The following CCDC91 variants were observed in gnomAD, a reference collection of about 807,000 sequenced individuals.
CCDC91 encodes coiled-coil domain-containing protein 91.
Under a neutral mutation model 63.2 loss-of-function variants are expected in CCDC91, and 48 were observed. The ratio of observed to expected loss-of-function variants is 0.76; its 90% CI spans 0.60 to 0.97. The LOEUF (loss-of-function observed/expected upper bound fraction) is 0.97. Ranked by LOEUF, CCDC91 falls within the 50% of genes least tolerant of loss-of-function variation. CCDC91 has a pLI of 0.00. For missense variants in CCDC91, 500 were observed against 494.6 expected (o/e 1.01, Z -0.10); for synonymous variants, 167 against 165.8 (o/e 1.01, Z -0.06).
At chr12:28,277,668 CCCT>C (rs1948335399) in intron 3 of CCDC91, among the ~76,000 whole-genome samples, 1 of 151,910 alleles carries the variant, frequency 6.6e-6, no homozygotes, top group South Asian at 2.1e-4. Context: ...CTTGCATCAA[CCCT>C]CCTCCTTTTT....
intron 7 of CCDC91, 137 bp downstream of exon 7, chr12:28,362,652 C>A (rs2138582318): frequency 2.0e-6 from 1 of 504,010 alleles, no homozygotes; most frequent in Non-Finnish European, 3.5e-6. Context: ...CATTCAGCAA[C>A]AAATATCCAT....
chr12:28,373,356 T>C (rs1055654049), intron 7 of CCDC91, among the ~76,000 whole-genome samples: 3 of 152,164 alleles, frequency 2.0e-5, no homozygotes, highest in Non-Finnish European at 4.4e-5. Flanking sequence ...CTTATATGTG[T>C]AGATTGTTTT....
rs563594817 is a variant in CCDC91 at position 28,501,601 on chromosome 12, C to T, written c.1215+17436C>T. ...AAGCTTTTTGATGTGCTGCTGGATT[C>T]AGTTTGCCAGTATTTTATTGAGGAT... On this transcript the variant is annotated intron_variant, in intron 12 of 12. Coordinates refer to ENST00000536442, the MANE Select transcript of CCDC91 (RefSeq NM_018318.5). Among the ~76,000 whole-genome samples the T allele has an allele frequency of 2.6e-4, 39 of 150,766 alleles. 1 individual carries two copies. The highest frequency in any genetic ancestry group is 3.4e-3 in the Middle Eastern group (1 of 294).
At chr12:28,334,977 C>A (rs1941816472) in intron 6 of CCDC91, among the ~76,000 whole-genome samples, 1 of 138,316 alleles carries the variant, frequency 7.2e-6, no homozygotes. Flanking sequence ...CTGTTTAGTT[C>A]AGTGTTTATG....
At chr12:28,229,385 G>T (rs1944455558) in intron 1 of CCDC91, among the ~76,000 whole-genome samples, 1 of 152,082 alleles carries the variant, frequency 6.6e-6, no homozygotes, top group African/African-American at 2.4e-5. Flanking sequence ...GCATAAAAAA[G>T]AAGAATATTA....
At chr12:28,307,018 T>G in intron 5 of CCDC91, 73 bp downstream of exon 5, 1 of 979,930 alleles carries the variant, frequency 1.0e-6, no homozygotes, top group Non-Finnish European at 1.5e-6. Context: ...AAACTCTGAT[T>G]AAAAACTCAT....
intron 1 of CCDC91, among the ~76,000 whole-genome samples, chr12:28,191,879 T>C (rs1341651306): frequency 6.6e-6 from 1 of 152,212 alleles, no homozygotes; most frequent in African/African-American, 2.4e-5. Flanking sequence ...AGAATTGCCC[T>C]GGTTACGAAG....
At chr12:28,472,558 A>G (rs1950873796) in intron 11 of CCDC91, among the ~76,000 whole-genome samples, 2 of 152,216 alleles carry the variant, frequency 1.3e-5, no homozygotes, top group Admixed American at 1.3e-4. Context: ...AAAGCTAGTT[A>G]TACCTATCAT....
At chr12:28,208,683 T>A (rs950004103) in intron 1 of CCDC91, among the ~76,000 whole-genome samples, 10 of 152,206 alleles carry the variant, frequency 6.6e-5, no homozygotes, top group Admixed American at 2.6e-4. Flanking sequence ...ATTTAAAAAA[T>A]TTTTAAAAAG....
chr12:28,520,256 T>G (rs185140208), intron 12 of CCDC91, among the ~76,000 whole-genome samples: 1 of 152,000 alleles, frequency 6.6e-6, no homozygotes, highest in Non-Finnish European at 1.5e-5. Context: ...TTTTAATGAT[T>G]GCCATTCTAA....
chr12:28,396,895 T>C (rs1946328984), intron 8 of CCDC91, among the ~76,000 whole-genome samples: 1 of 152,126 alleles, frequency 6.6e-6, no homozygotes, highest in East Asian at 1.9e-4. Context: ...ATGCCAGAGC[T>C]GTCAGACAGT....
intron 3 of CCDC91, among the ~76,000 whole-genome samples, chr12:28,269,692 T>C (rs1255856387): frequency 1.3e-5 from 2 of 152,182 alleles, no homozygotes; most frequent in African/African-American, 4.8e-5. Flanking sequence ...TCATTTGTTG[T>C]GGATTCCTGA....
chr12:28,300,476 T>G (rs1293376114), intron 3 of CCDC91, among the ~76,000 whole-genome samples: 1 of 150,880 alleles, frequency 6.6e-6, no homozygotes, highest in Non-Finnish European at 1.5e-5. Context: ...AGAGATTGTA[T>G]AACATAATTT....
chr12:28,206,209 A>G (rs1254654315), intron 1 of CCDC91, among the ~76,000 whole-genome samples: 2 of 152,324 alleles, frequency 1.3e-5, no homozygotes, highest in Non-Finnish European at 2.9e-5. Flanking sequence ...GTCTAAAACA[A>G]TGGCCACCCA....
chr12:28,291,448 G>A (rs1949244234), intron 3 of CCDC91, among the ~76,000 whole-genome samples: 2 of 152,140 alleles, frequency 1.3e-5, no homozygotes, highest in South Asian at 4.1e-4. Context: ...AGTTTTCAGT[G>A]CATCTCATTG....
intron 12 of CCDC91, among the ~76,000 whole-genome samples, chr12:28,512,040 C>T (rs556517920): frequency 1.2e-4 from 18 of 151,954 alleles, no homozygotes; most frequent in Non-Finnish European, 1.9e-4. Flanking sequence ...GACTTACCAT[C>T]TTGTGTTCAT....
intron 8 of CCDC91, among the ~76,000 whole-genome samples, chr12:28,396,469 A>G (rs1242203339): frequency 6.6e-6 from 1 of 152,194 alleles, no homozygotes. Context: ...AGTAGCATGT[A>G]AAATAGTTAA....
intron 6 of CCDC91, among the ~76,000 whole-genome samples, chr12:28,333,396 G>GA (rs1217580461): frequency 0.27 from 24,286 of 88,906 alleles, 2,686 homozygotes; most frequent in Non-Finnish European, 0.34. Flanking sequence ...CTCCATCTCA[G>GA]AAAAAAAAAA....
intron 1 of CCDC91, among the ~76,000 whole-genome samples, chr12:28,235,167 A>G (rs1944857676): frequency 6.6e-6 from 1 of 152,118 alleles, no homozygotes; most frequent in Non-Finnish European, 1.5e-5. Context: ...CCTATTTCTT[A>G]AGGCCTGGGC....
Sources: allele counts gnomAD v4.1 joint callset (sites outside exome capture counted in the v4.1 genomes callset), GRCh38; gene constraint gnomAD v4.1.1; transcripts MANE v1.5; gene names NCBI Gene and HGNC (gene_info 2026-07-23, HGNC 2026-07-21).